Variants in IGDCC4 observed in about 807,000 individuals in gnomAD.
The protein encoded by IGDCC4 is immunoglobulin superfamily DCC subclass member 4.
Under a neutral mutation model 116.6 loss-of-function variants are expected in IGDCC4, and 72 were observed. That is an observed-to-expected ratio of 0.62 (90% CI 0.51 to 0.75). The LOEUF (loss-of-function observed/expected upper bound fraction) is 0.75, where lower values mean the gene tolerates loss of function less well. Among genes scored for constraint, IGDCC4 ranks in the 30% least tolerant of loss-of-function variants. The pLI is 0.00. For synonymous variants in IGDCC4, 709 were observed against 719.9 expected, an observed-to-expected ratio of 0.98 and a Z score of 0.24; for missense variants, 1,501 against 1,662.4, an observed-to-expected ratio of 0.90 and a Z score of 1.69.
intron 5 of IGDCC4, among the ~76,000 whole-genome samples, 173 bp from the exon 6 acceptor site, chr15:65,397,162 A>T (rs2062936755): frequency 6.6e-6 from 1 of 152,154 alleles, no homozygotes. Flanking sequence ...CTCCATCTGT[A>T]AGGGGGAATT....
chr15:65,414,533 GT>G (rs2063125826), intron 1 of IGDCC4, among the ~76,000 whole-genome samples: 1 of 152,224 alleles, frequency 6.6e-6, no homozygotes, highest in Non-Finnish European at 1.5e-5. Flanking sequence ...CTGGGACTCA[GT>G]TTCCACATGA....
Position 65,400,965 on chromosome 15 carries a change from A to G in IGDCC4, c.701-19T>C. 1 of 1,613,982 alleles carries G rather than the reference A, an allele frequency of 6.2e-7. No individual in the cohort carries two copies. The highest frequency in any genetic ancestry group is 2.2e-5 in the East Asian group (1 of 44,864). On this transcript the variant is annotated intron_variant, in intron 4 of 19. Coordinates refer to ENST00000352385, the MANE Select transcript of IGDCC4 (RefSeq NM_020962.3). ...AGGGACCCTGGCGAGAAGACAGACC[A>G]GCAGGCAGCCTTACCATTAGGCATT...
intron 14 of IGDCC4, 132 bp downstream of exon 14, chr15:65,389,152 C>G (rs1167670581): frequency 7.7e-7 from 1 of 1,306,442 alleles, no homozygotes; most frequent in Non-Finnish European, 1.0e-6. Flanking sequence ...CTTAACATTC[C>G]TCCCCTCCCA....
intron 1 of IGDCC4, among the ~76,000 whole-genome samples, chr15:65,412,049 T>G (rs557093781): frequency 9.9e-5 from 15 of 152,078 alleles, no homozygotes; most frequent in Non-Finnish European, 2.9e-5. Context: ...AGACTCCGTC[T>G]CTACAGATAA....
chr15:65,410,992 C>T, intron 2 of IGDCC4, 28 bp downstream of exon 2: 2 of 1,565,254 alleles, frequency 1.3e-6, no homozygotes, highest in Non-Finnish European at 1.7e-6. Flanking sequence ...GTTTCAGCCT[C>T]AGACCCCCGC....
In IGDCC4 at chr15:65,394,502, C is replaced by T. The variant is rs536941274; in HGVS notation, c.1623G>A (p.Ser541=). ...GGGGCAGCCACGCCACCCTGATGTC[C>T]GAAGGGTTGGGGCTGGACAGGGAGA... The part of the protein sequence containing the change: ...PQLSLSSPNP[S]DIRVAWLPLP... Residue 541 remains serine, a synonymous_variant, in exon 9 of 20, where the codon TCG becomes TCA. Coordinates refer to ENST00000352385, the MANE Select transcript of IGDCC4 (RefSeq NM_020962.3). 19 of 1,613,020 alleles carry T rather than the reference C, an allele frequency of 1.2e-5. No homozygotes were observed. The highest frequency in any genetic ancestry group is 8.9e-5 in the East Asian group (4 of 44,866).
At chr15:65,413,618 G>C (rs538463592) in intron 1 of IGDCC4, among the ~76,000 whole-genome samples, 3 of 152,310 alleles carry the variant, frequency 2.0e-5, no homozygotes, top group Non-Finnish European at 2.9e-5. Flanking sequence ...CTTCCAGAAG[G>C]TTGACCTGCT....
chr15:65,422,648 G>T, intron 1 of IGDCC4, 145 bp downstream of exon 1: 2 of 514,700 alleles, frequency 3.9e-6, no homozygotes, highest in Non-Finnish European at 5.8e-6. Flanking sequence ...AGACCCCCGC[G>T]CAGGCATCGC....
intron 3 of IGDCC4, among the ~76,000 whole-genome samples, chr15:65,408,053 T>C (rs2063056601): frequency 6.6e-6 from 1 of 151,728 alleles, no homozygotes; most frequent in South Asian, 2.1e-4. Flanking sequence ...CAGGCGTGAG[T>C]CACCGCGCCC....
chr15:65,395,365 T>C, intron 7 of IGDCC4, 107 bp from the exon 8 acceptor site: 1 of 1,142,882 alleles, frequency 8.7e-7, no homozygotes, highest in South Asian at 1.7e-5. Context: ...TATTTATAGC[T>C]AAATCATCCC....
In IGDCC4 at chr15:65,384,286, A is replaced by C. The variant is rs749049530; in HGVS notation, c.3476T>G (p.Leu1159Arg). ...HLQDLEPEDP[L>R]PPEAPDLISG... ...GATGAGATCAGGAGCCTCTGGAGGC[A>C]GGGGGTCCTCAGGCTCCAGGTCTTG... is the stretch of plus-strand genomic sequence containing the variant. Residue 1159 changes from leucine to arginine, a missense_variant, in exon 20 of 20, where the codon CTG becomes CGG. This residue lies in a region of IGDCC4 where 368 missense variants were observed against 355.6 expected (regional missense o/e 1.03). Coordinates refer to ENST00000352385, the MANE Select transcript of IGDCC4 (RefSeq NM_020962.3). The surrounding 1 kb of genome is among the most constrained non-coding windows in gnomAD (Gnocchi z 4.9). The C allele has an allele frequency of 6.2e-7, 1 of 1,607,756 alleles. No individual in the cohort carries two copies. The highest frequency in any genetic ancestry group is 8.5e-7 in the Non-Finnish European group (1 of 1,176,756).
chr15:65,391,952 C>G lies in IGDCC4; in HGVS notation c.2152G>C (p.Val718Leu). Residue 718 changes from valine (V) to leucine (L), a missense_variant, in exon 12 of 20, where the codon GTG (valine) becomes CTG (leucine). Coordinates refer to ENST00000352385, the MANE Select transcript of IGDCC4 (RefSeq NM_020962.3). ...VPGRLYEVKL[V>L]AFNKHEDGYA... ...CCATCCTCATGTTTGTTGAAAGCCA[C>G]GAGCTTCACCTCGTACAGCCGGCCA... is the stretch of plus-strand genomic sequence containing the variant. 6.2e-7 allele frequency: 1 copy of G among 1,613,046 alleles called. No homozygotes were observed. The highest frequency in any genetic ancestry group is 8.5e-7 in the Non-Finnish European group (1 of 1,179,540).
At chr15:65,394,624 G>A (rs749359027) in intron 8 of IGDCC4, 76 bp from the exon 9 acceptor site, 2 of 1,431,082 alleles carry the variant, frequency 1.4e-6, no homozygotes, top group Non-Finnish European at 1.9e-6. Context: ...TCAGAGACTT[G>A]CCTGGGTCAC....
At chr15:65,391,820 G>C (rs1379253836) in intron 12 of IGDCC4, 60 bp downstream of exon 12, 2 of 1,466,848 alleles carry the variant, frequency 1.4e-6, no homozygotes, top group Admixed American at 3.5e-5. Flanking sequence ...AAAAGAAGAG[G>C]AAGCGGCTAG....
intron 1 of IGDCC4, among the ~76,000 whole-genome samples, chr15:65,414,941 A>G (rs1300851791): frequency 1.3e-5 from 2 of 152,192 alleles, no homozygotes; most frequent in African/African-American, 4.8e-5. Flanking sequence ...GTGCTCTGGA[A>G]GAGCACATCC....
Position 65,384,284 on chromosome 15 carries a change from G to T in IGDCC4, c.3478C>A (p.Pro1160Thr), listed in dbSNP as rs752520140. ...LQDLEPEDPL[P>T]PEAPDLISGV... Reference sequence around the variant, plus strand: ...GAGATGAGATCAGGAGCCTCTGGAGGCAGGGGGTCCTCAGGCTCCAGGTCT... The same window carrying T: ...GAGATGAGATCAGGAGCCTCTGGAGTCAGGGGGTCCTCAGGCTCCAGGTCT... The change falls in exon 20 of 20, where the codon CCT becomes ACT. Residue 1160 changes from proline to threonine, a missense_variant. Physicochemically the swap from Pro to Thr is conservative, Grantham distance 38. This residue lies in a region of IGDCC4 where 368 missense variants were observed against 355.6 expected (regional missense o/e 1.03). Coordinates refer to ENST00000352385, the MANE Select transcript of IGDCC4 (RefSeq NM_020962.3). The surrounding 1 kb of genome is among the most constrained non-coding windows in gnomAD (Gnocchi z 4.9). 6.2e-7 allele frequency: 1 copy of T among 1,607,506 alleles called. No individual in the cohort carries two copies. Among genetic ancestry groups the T allele is most frequent in the Non-Finnish European group, 8.5e-7 (1 of 1,176,602 alleles).
At position 65,392,159 on chromosome 15, in the gene IGDCC4, C is replaced by T; in HGVS notation, c.2097G>A (p.Val699=). 1 of 1,612,276 alleles carries T rather than the reference C, an allele frequency of 6.2e-7. No individual in the cohort carries two copies. Among genetic ancestry groups the T allele is most frequent in the Non-Finnish European group, 8.5e-7 (1 of 1,179,228 alleles). ...DVGPVRLKKK[V]KQYELTQLVP... Reference sequence around the variant, plus strand: ...CTAGCTGGGTCAGCTCATACTGCTTCACTTTCTTCTTGAGCCGGACAGGCC... The same window carrying T: ...CTAGCTGGGTCAGCTCATACTGCTTTACTTTCTTCTTGAGCCGGACAGGCC... The change falls in exon 11 of 20, where the codon GTG becomes GTA. Residue 699 remains valine, a synonymous_variant. Coordinates refer to ENST00000352385, the MANE Select transcript of IGDCC4 (RefSeq NM_020962.3).
In IGDCC4 at chr15:65,395,904, C is replaced by T; in HGVS notation, c.1257G>A (p.Ser419=). The part of the protein sequence containing the change: ...NSAGMACAAA[S]LAVVVREGLP... ...GCCCCTCGCGCACCACCACGGCCAG[C>T]GACGCGGCAGCGCACGCCATTCCCG... Residue 419 remains serine (S), a synonymous_variant, in exon 7 of 20, where the codon TCG becomes TCA. Coordinates refer to ENST00000352385, the MANE Select transcript of IGDCC4 (RefSeq NM_020962.3). The T allele has an allele frequency of 6.3e-7, 1 of 1,589,468 alleles. No individual in the cohort carries two copies. Among genetic ancestry groups the T allele is most frequent in the Non-Finnish European group, 8.5e-7 (1 of 1,174,862 alleles).
chr15:65,392,065 C>G, intron 11 of IGDCC4, 69 bp downstream of exon 11: 1 of 1,542,634 alleles, frequency 6.5e-7, no homozygotes, highest in Non-Finnish European at 8.8e-7. Flanking sequence ...TCTCTAACTT[C>G]TTCACACAAC....
Sources: allele counts gnomAD v4.1 joint callset (sites outside exome capture counted in the v4.1 genomes callset), GRCh38; gene constraint gnomAD v4.1.1; regional missense constraint gnomAD v4.1.1; non-coding constraint Gnocchi (gnomAD v3.1); transcripts MANE v1.5; gene names NCBI Gene and HGNC (gene_info 2026-07-23, HGNC 2026-07-21).